CCDC59: variants seen among roughly 807,000 people sequenced by gnomAD.
CCDC59 encodes the protein thyroid transcription factor 1-associated protein 26.
In CCDC59, 27 loss-of-function variants were observed where a neutral mutation model predicts 30.5. The ratio of observed to expected loss-of-function variants is 0.89; its 90% confidence interval spans 0.65 to 1.22. The LOEUF (loss-of-function observed/expected upper bound fraction) is 1.22, where lower values mean the gene tolerates loss of function less well. Ranked by LOEUF, CCDC59 falls within the 50% of genes most tolerant of loss-of-function variation. The pLI is 0.00. For synonymous variants in CCDC59, 125 were observed against 100.9 expected (o/e 1.24, Z -1.43); for missense variants, 362 against 284.4 (o/e 1.27, Z -1.96).
chr12:82,357,353 T>A, intron 1 of CCDC59, 84 bp from the exon 2 acceptor site: 1 of 1,098,504 alleles, frequency 9.1e-7, no homozygotes, highest in Non-Finnish European at 1.3e-6. Flanking sequence ...AAATGAAAAC[T>A]TTTTTTACGT....
Position 82,354,532 on chromosome 12 carries a change from T to C in CCDC59, c.527A>G (p.Tyr176Cys). Residue 176 changes from tyrosine to cysteine, a missense_variant, in exon 3 of 4, where the codon TAT becomes TGT. Coordinates refer to ENST00000256151, the MANE Select transcript of CCDC59 (RefSeq NM_014167.5). ...KTSNQKAQEE[Y>C]EQIQAKRAAK... ...AGCACGTTTGGCTTGTATCTGTTCA[T>C]ATTCTTCTTGTGCTTTTTGATTTGA... The C allele has an allele frequency of 6.2e-7, 1 of 1,604,252 alleles. No homozygotes were observed. Among genetic ancestry groups the C allele is most frequent in the South Asian group, 1.1e-5 (1 of 89,582 alleles).
chr12:82,357,103 T>C lies in CCDC59; in HGVS notation c.321A>G (p.Gln107=), dbSNP rs768109318. 1 of 1,614,240 alleles carries C rather than the reference T, an allele frequency of 6.2e-7. No individual in the cohort carries two copies. Among genetic ancestry groups the C allele is most frequent in the Non-Finnish European group, 8.5e-7 (1 of 1,180,034 alleles). Reference sequence around the variant, plus strand: ...ACAAAGGATGGTCGACTTTTCTTGCTTGCTTCCTATGTCTTTCCTCTTCAG... The same window carrying C: ...ACAAAGGATGGTCGACTTTTCTTGCCTGCTTCCTATGTCTTTCCTCTTCAG... ...YLAEEERHRK[Q]ARKVDHPLSE... Residue 107 remains glutamine (Q), a synonymous_variant, in exon 2 of 4, where the codon CAA becomes CAG. Transcript: ENST00000256151.
chr12:82,354,806 T>C, intron 2 of CCDC59: 1 of 331,818 alleles, frequency 3.0e-6, no homozygotes. Flanking sequence ...GAAACCAGTA[T>C]ATGAATGATA....
At position 82,358,279 on chromosome 12, in the gene CCDC59, C is replaced by T. The variant is rs1171136278; in HGVS notation, c.98G>A (p.Arg33Lys). 1 of 1,614,104 alleles carries T rather than the reference C, an allele frequency of 6.2e-7. No individual in the cohort carries two copies. Among genetic ancestry groups the T allele is most frequent in the African/African-American group, 1.3e-5 (1 of 74,936 alleles). Reference sequence around the variant, plus strand: ...GTGGTTAGGCCGCCATGTCTTCTGTCTCACATTCTTATTCCTGTACCCGAC... The same window carrying T: ...GTGGTTAGGCCGCCATGTCTTCTGTTTCACATTCTTATTCCTGTACCCGAC... ...STVGYRNKNV[R>K]QKTWRPNHPQ... Residue 33 changes from arginine to lysine, a missense_variant, in exon 1 of 4, where the codon AGA becomes AAA. Physicochemically the swap from Arg to Lys is conservative, Grantham distance 26. Coordinates refer to ENST00000256151, the MANE Select transcript of CCDC59 (RefSeq NM_014167.5).
upstream of CCDC59, chr12:82,358,425 A>C (rs1324197101): frequency 1.2e-5 from 19 of 1,608,538 alleles, no homozygotes; most frequent in Non-Finnish European, 1.6e-5. Flanking sequence ...ACGCCCACAA[A>C]ATACGTCACC....
chr12:82,355,434 T>C (rs1880978731), intron 2 of CCDC59: 1 of 152,076 alleles, frequency 6.6e-6, no homozygotes, highest in Non-Finnish European at 1.5e-5. Flanking sequence ...CTTGACTTAA[T>C]AAGGAAGGAA....
In CCDC59 at chr12:82,353,192, G is replaced by C; in HGVS notation, c.685C>G (p.Gln229Glu). The C allele has an allele frequency of 6.2e-7, 1 of 1,608,838 alleles. No homozygotes were observed. Among genetic ancestry groups the C allele is most frequent in the South Asian group, 1.1e-5 (1 of 89,918 alleles). Reference sequence around the variant, plus strand: ...ATTTTTTGAAGAAGGTACTCCATTTGTACATTCAAGTTTGGTTGGCCCTTT... The same window carrying C: ...ATTTTTTGAAGAAGGTACTCCATTTCTACATTCAAGTTTGGTTGGCCCTTT... ...TKKGQPNLNV[Q>E]MEYLLQKIQE... The change falls in exon 4 of 4, where the codon CAA (glutamine) becomes GAA (glutamate). Residue 229 changes from glutamine to glutamate, a missense_variant. By Grantham distance (29) the Gln-to-Glu change is conservative. Transcript: ENST00000256151.
intron 1 of CCDC59, among the ~76,000 whole-genome samples, chr12:82,357,486 G>A (rs1435673667): frequency 6.6e-6 from 1 of 152,216 alleles, no homozygotes; most frequent in African/African-American, 2.4e-5. Context: ...CAGTCATGCG[G>A]AAATCCAAGT....
upstream of CCDC59, chr12:82,358,696 A>G: frequency 6.2e-7 from 1 of 1,614,198 alleles, no homozygotes; most frequent in Non-Finnish European, 8.5e-7. Flanking sequence ...TTCTACACAG[A>G]ATCCGTGTGG....
At chr12:82,353,984 T>C (rs1409271744) in intron 3 of CCDC59, among the ~76,000 whole-genome samples, 1 of 151,316 alleles carries the variant, frequency 6.6e-6, no homozygotes, top group Non-Finnish European at 1.5e-5. Flanking sequence ...TTCTAAATAA[T>C]AGAGTGCTAA....
rs752684922 is a variant in CCDC59, at chr12:82,357,232, C to T, written c.192G>A (p.Gln64=). 29 of 1,613,702 alleles carry T rather than the reference C, an allele frequency of 1.8e-5. No individual in the cohort carries two copies. Among genetic ancestry groups the T allele is most frequent in the Non-Finnish European group, 2.3e-5 (27 of 1,179,876 alleles). ...GFAFRRKLKI[Q]QSYKKLLRKE... The stretch of plus-strand genomic sequence containing the variant: ...TCCGTAGCAATTTCTTGTAACTTTG[C>T]TGTATTTTCAGTTTTCTTCGAAAAG... Residue 64 remains glutamine (Q), a synonymous_variant, in exon 2 of 4, where the codon CAG becomes CAA. Transcript: ENST00000256151.
Position 82,355,298 on chromosome 12 carries a change from T to A in CCDC59, c.465-704A>T, listed in dbSNP as rs528996632. Reference sequence around the variant, plus strand: ...TATCCATGGTTTCCCTGTTCCACGGTTTCAGTTACCTGCAGTCAACAGAGG... The same window carrying A: ...TATCCATGGTTTCCCTGTTCCACGGATTCAGTTACCTGCAGTCAACAGAGG... On this transcript the variant is annotated intron_variant, in intron 2 of 3. Coordinates refer to ENST00000256151, the MANE Select transcript of CCDC59 (RefSeq NM_014167.5). 4.6e-5 allele frequency: 7 copies of A among 152,356 alleles called. No individual in the cohort carries two copies. The South Asian group carries it at 1.5e-3, about 32-fold the overall frequency. 9.4% of individuals were successfully genotyped at this position (152,356 alleles called of 1,614,324 possible).
At chr12:82,356,166 CAAGTT>C (rs1881003146) in intron 2 of CCDC59, 2 of 152,194 alleles carry the variant, frequency 1.3e-5, no homozygotes, top group Admixed American at 6.5e-5. Flanking sequence ...ATTATGCTCC[CAAGTT>C]AATACCCAGC....
At position 82,354,589 on chromosome 12, in the gene CCDC59, A is replaced by C; in HGVS notation, c.470T>G (p.Phe157Cys). Residue 157 changes from phenylalanine to cysteine, a missense_variant, in exon 3 of 4, where the codon TTT becomes TGT. Physicochemically the swap from Phe to Cys is radical, Grantham distance 205. Coordinates refer to ENST00000256151, the MANE Select transcript of CCDC59 (RefSeq NM_014167.5). ...CTTTTTATTTTTCTTTGGAATTGTA[A>C]AGGAGCTTTTAATTGGGGGATGAGG... Reference protein sequence around the residue: ...EEQCIKTVNSFTIPKKNKKKT... With the variant: ...EEQCIKTVNSCTIPKKNKKKT... 1.3e-6 allele frequency: 2 copies of C among 1,574,042 alleles called. No homozygotes were observed. The highest frequency in any genetic ancestry group is 8.6e-7 in the Non-Finnish European group (1 of 1,157,248).
chr12:82,358,281 C>T lies in CCDC59; in HGVS notation c.96G>A (p.Val32=). 1 of 1,614,214 alleles carries T rather than the reference C, an allele frequency of 6.2e-7. No individual in the cohort carries two copies. The highest frequency in any genetic ancestry group is 2.2e-5 in the East Asian group (1 of 44,882). Reference sequence around the variant, plus strand: ...GGTTAGGCCGCCATGTCTTCTGTCTCACATTCTTATTCCTGTACCCGACAG... The same window carrying T: ...GGTTAGGCCGCCATGTCTTCTGTCTTACATTCTTATTCCTGTACCCGACAG... ...VSTVGYRNKN[V]RQKTWRPNHP... The change falls in exon 1 of 4, where the codon GTG becomes GTA. Residue 32 remains valine, a synonymous_variant. Coordinates refer to ENST00000256151, the MANE Select transcript of CCDC59 (RefSeq NM_014167.5).
At chr12:82,358,702 T>A, upstream of CCDC59, 1 of 1,613,876 alleles carries the variant, frequency 6.2e-7, no homozygotes, top group Non-Finnish European at 8.5e-7. Context: ...ACAGAATCCG[T>A]GTGGGAGGAG....
Position 82,357,272 on chromosome 12 carries a change from A to T in CCDC59, c.155-3T>A. Reference sequence around the variant, plus strand: ...TCTTCGAAAAGCAAAGCCTTGTCCTACATTGAGGAATATCATCCAAAATTA... The same window carrying T: ...TCTTCGAAAAGCAAAGCCTTGTCCTTCATTGAGGAATATCATCCAAAATTA... On this transcript the variant is annotated splice_region_variant and splice_polypyrimidine_tract_variant and intron_variant, in intron 1 of 3. Coordinates refer to ENST00000256151, the MANE Select transcript of CCDC59 (RefSeq NM_014167.5). 10 of 1,491,732 alleles carry T rather than the reference A, an allele frequency of 6.7e-6. No individual in the cohort carries two copies. Among genetic ancestry groups the T allele is most frequent in the Non-Finnish European group, 8.9e-6 (10 of 1,120,544 alleles). The allele number at this position is 1,491,732 out of a possible 1,614,324, so 92.4% of individuals were successfully genotyped here.
chr12:82,356,714 G>A, intron 2 of CCDC59: 1 of 358,030 alleles, frequency 2.8e-6, no homozygotes, highest in Non-Finnish European at 5.1e-6. Context: ...ACCTGTACTT[G>A]AGAGGAAGAA....
Position 82,358,334 on chromosome 12 carries a change from T to A in CCDC59, c.43A>T (p.Ile15Phe). Residue 15 changes from isoleucine (I) to phenylalanine (F), a missense_variant, in exon 1 of 4, where the codon ATT (isoleucine) becomes TTT (phenylalanine). Physicochemically the swap from Ile to Phe is conservative, Grantham distance 21. Coordinates refer to ENST00000256151, the MANE Select transcript of CCDC59 (RefSeq NM_014167.5). Reference protein sequence around the residue: ...RRSAKWRPGGIEARGEGVSTV... With the variant: ...RRSAKWRPGGFEARGEGVSTV... ...GAAACCCCTTCACCACGCGCCTCAA[T>A]ACCACCAGGCCGCCACTTCGCGGAC... is the stretch of plus-strand genomic sequence containing the variant. 6.2e-7 allele frequency: 1 copy of A among 1,613,998 alleles called. No homozygotes were observed. The highest frequency in any genetic ancestry group is 1.3e-5 in the African/African-American group (1 of 75,034).
Sources: gnomAD v4.1 joint callset for allele counts (sites outside exome capture counted in the v4.1 genomes callset) on GRCh38, gnomAD v4.1.1 for gene constraint, MANE v1.5 for transcripts, NCBI Gene and HGNC (gene_info 2026-07-23, HGNC 2026-07-21) for gene names.